The following NAALADL2 variants were observed in gnomAD, a reference collection of about 807,000 sequenced individuals.
NAALADL2 encodes inactive N-acetylated-alpha-linked acidic dipeptidase-like protein 2.
In NAALADL2, 76 loss-of-function variants were observed where a neutral mutation model predicts 87.2. The ratio of observed to expected loss-of-function variants is 0.87; its 90% CI spans 0.72 to 1.05. The LOEUF is 1.05. Among genes scored for constraint, NAALADL2 ranks in the 50% least tolerant of loss-of-function variants. The probability of loss-of-function intolerance (pLI) is 0.00; values close to 1 mark genes in which losing one functional copy is unlikely to be tolerated. For synonymous variants in NAALADL2, 354 were observed against 331.0 expected (o/e 1.07, Z -0.75); for missense variants, 1,089 against 945.8 (o/e 1.15, Z -1.99).
intron 5 of NAALADL2, among the ~76,000 whole-genome samples, chr3:175,368,521 C>T (rs1169538372): frequency 3.3e-5 from 5 of 151,702 alleles, no homozygotes; most frequent in African/African-American, 9.7e-5. Flanking sequence ...ATCTCTAACA[C>T]ATTTTGGTAT....
At chr3:175,642,490 C>A (rs73171435) in intron 11 of NAALADL2, among the ~76,000 whole-genome samples, 5,661 of 149,812 alleles carry the variant, frequency 0.038, 143 homozygotes, top group South Asian at 0.071. Flanking sequence ...AGATATTCAT[C>A]ACCCAAATCT....
At chr3:175,296,382 C>G (rs1756376871) in intron 4 of NAALADL2, among the ~76,000 whole-genome samples, 1 of 152,146 alleles carries the variant, frequency 6.6e-6, no homozygotes, top group Non-Finnish European at 1.5e-5. Flanking sequence ...ATCTCAAGGG[C>G]TCAGAAGTAA....
rs1018611211 is a variant in NAALADL2, at chr3:175,567,874, C to A, written c.1654-8167C>A. Among the ~76,000 whole-genome samples, 4 of 152,096 alleles carry A rather than the reference C, an allele frequency of 2.6e-5. No homozygotes were observed. The South Asian group carries it at 6.2e-4, about 24-fold the overall frequency. Reference sequence around the variant, plus strand: ...GGGACTACAGGCGTGTGTCATAACACCCCGCTAATTTTTGTATTTTTGGTA... The same window carrying A: ...GGGACTACAGGCGTGTGTCATAACAACCCGCTAATTTTTGTATTTTTGGTA... On this transcript the variant is annotated intron_variant, in intron 9 of 13. Coordinates refer to ENST00000454872, the MANE Select transcript of NAALADL2 (RefSeq NM_207015.3).
intron 2 of NAALADL2, among the ~76,000 whole-genome samples, chr3:174,710,294 G>A (rs1325019211): frequency 3.6e-5 from 5 of 138,736 alleles, no homozygotes; most frequent in African/African-American, 8.2e-5. Flanking sequence ...TTGCTCTGTC[G>A]CCCAGGCTGG....
At chr3:174,666,017 T>G (rs1316848911) in intron 2 of NAALADL2, among the ~76,000 whole-genome samples, 1 of 152,196 alleles carries the variant, frequency 6.6e-6, no homozygotes, top group Non-Finnish European at 1.5e-5. Flanking sequence ...TTAACTTGAT[T>G]ACACCTACAA....
chr3:175,630,635 A>G (rs1727631294), intron 11 of NAALADL2, among the ~76,000 whole-genome samples: 1 of 151,826 alleles, frequency 6.6e-6, no homozygotes, highest in Non-Finnish European at 1.5e-5. Flanking sequence ...GTGTACAAAT[A>G]GAATATAAAT....
intron 2 of NAALADL2, among the ~76,000 whole-genome samples, chr3:175,105,925 A>G (rs906849828): frequency 3.3e-5 from 5 of 152,048 alleles, no homozygotes; most frequent in African/African-American, 1.2e-4. Flanking sequence ...CATGATCACA[A>G]GTTTTCAGGA....
chr3:175,711,611 G>A (rs1404270561), intron 11 of NAALADL2, among the ~76,000 whole-genome samples: 1 of 151,768 alleles, frequency 6.6e-6, no homozygotes, highest in Non-Finnish European at 1.5e-5. Flanking sequence ...GTGAAGAAGA[G>A]TTTACTCAAA....
chr3:175,156,803 A>G (rs116685712), intron 2 of NAALADL2, among the ~76,000 whole-genome samples: 1,757 of 152,156 alleles, frequency 0.012, 25 homozygotes, highest in African/African-American at 0.038. Context: ...AAAGTGGGGA[A>G]GAGGTACCTC....
chr3:175,577,651 C>G lies in NAALADL2; in HGVS notation c.1800+1464C>G, dbSNP rs143278761. ...TTATACCCAGAATATCTAACTCCCA[C>G]CATCAAAATCATTTGTATTATTTAT... On this transcript the variant is annotated intron_variant, in intron 10 of 13. Transcript: ENST00000454872. Among the ~76,000 whole-genome samples, 157 of 152,208 alleles carry G rather than the reference C, an allele frequency of 1.0e-3. 1 individual carries two copies. The highest frequency in any genetic ancestry group is 3.5e-3 in the African/African-American group (146 of 41,526).
Position 174,613,880 on chromosome 3 carries a change from G to T in NAALADL2, c.-115+63243G>T, listed in dbSNP as rs115043121. ...GCTGCTGGTTATTCAGGGCTCAAGGGTTCTTTAGTTAGCAAGTGATGAATC... is the reference window on the plus strand; with the variant it reads ...GCTGCTGGTTATTCAGGGCTCAAGGTTTCTTTAGTTAGCAAGTGATGAATC... On this transcript the variant is annotated intron_variant, in intron 2 of 3. Transcript: ENST00000434257. Among the ~76,000 whole-genome samples the T allele has an allele frequency of 6.7e-3, 1,013 of 152,288 alleles. 12 individuals carry two copies. The highest frequency in any genetic ancestry group is 7.6e-3 in the Non-Finnish European group (517 of 68,016).
At chr3:174,671,052 TGATTGTAACTTCTGA>T (rs1286619274) in intron 2 of NAALADL2, among the ~76,000 whole-genome samples, 3 of 152,070 alleles carry the variant, frequency 2.0e-5, no homozygotes, top group Non-Finnish European at 4.4e-5. Context: ...CTTTCTGCCA[TGATTGTAACTTCTGA>T]GACCTCCCCA....
At chr3:175,579,530 A>G (rs1719437045) in intron 10 of NAALADL2, among the ~76,000 whole-genome samples, 1 of 152,200 alleles carries the variant, frequency 6.6e-6, no homozygotes, top group African/African-American at 2.4e-5. Context: ...CCAATAATTA[A>G]CTTTTGCAAA....
rs1373105535 is a variant in NAALADL2 at position 174,461,027 on chromosome 3, A to G, written c.-184+19995A>G. Among the ~76,000 whole-genome samples, 3 of 152,214 alleles carry G rather than the reference A, an allele frequency of 2.0e-5. No homozygotes were observed. The East Asian group carries it at 5.8e-4, about 29-fold the overall frequency. On this transcript the variant is annotated intron_variant, in intron 1 of 3. Coordinates refer to the NAALADL2 transcript ENST00000434257. ...TAATGGATGCTCTGCAATTATGCAA[A>G]GTATATATAGCTCATTCCATCAAGT...
intron 10 of NAALADL2, among the ~76,000 whole-genome samples, chr3:175,601,869 G>A (rs942580474): frequency 3.3e-5 from 5 of 152,140 alleles, no homozygotes; most frequent in African/African-American, 1.2e-4. Flanking sequence ...TAGTTATATT[G>A]TAGAAATATT....
intron 8 of NAALADL2, 112 bp downstream of exon 8, chr3:175,467,296 CAT>C (rs2149280324): frequency 1.3e-6 from 1 of 785,798 alleles, no homozygotes; most frequent in Admixed American, 2.7e-5. Flanking sequence ...ACACAAGTGT[CAT>C]ATTGCCTAAT....
intron 1 of NAALADL2, among the ~76,000 whole-genome samples, chr3:174,550,307 T>TA (rs1560048044): frequency 6.6e-6 from 1 of 151,992 alleles, no homozygotes. Context: ...GTTTTATGAA[T>TA]AAAAAATATG....
intron 1 of NAALADL2, among the ~76,000 whole-genome samples, chr3:174,449,468 G>A (rs1209575096): frequency 1.3e-5 from 2 of 152,080 alleles, no homozygotes; most frequent in Admixed American, 1.3e-4. Context: ...TAACCAATAT[G>A]TCATGAGGAT....
At chr3:175,438,353 G>A (rs913243309) in intron 5 of NAALADL2, among the ~76,000 whole-genome samples, 1 of 151,950 alleles carries the variant, frequency 6.6e-6, no homozygotes, top group African/African-American at 2.4e-5. Context: ...TTAGTGTACT[G>A]GTCATTTCAG....
Sources: allele counts gnomAD v4.1 joint callset (sites outside exome capture counted in the v4.1 genomes callset), GRCh38; gene constraint gnomAD v4.1.1; transcripts MANE v1.5; gene names NCBI Gene and HGNC (gene_info 2026-07-23, HGNC 2026-07-21).